Variants in MYO5B observed in about 807,000 individuals in gnomAD.
MYO5B encodes unconventional myosin-Vb.
Under a neutral mutation model 229.3 loss-of-function variants are expected in MYO5B, and 143 were observed. The observed-to-expected ratio is 0.62, with a 90% CI of 0.54 to 0.72. The LOEUF is 0.72. Among genes scored for constraint, MYO5B ranks in the 30% least tolerant of loss-of-function variants. MYO5B has a pLI of 0.00. For synonymous variants in MYO5B, 918 were observed against 885.2 expected, an observed-to-expected ratio of 1.04 and a Z score of -0.66; for missense variants, 2,321 against 2,331.0, an observed-to-expected ratio of 1.00 and a Z score of 0.09.
intron 1 of MYO5B, among the ~76,000 whole-genome samples, chr18:50,188,785 TAAAAAAAAAAAA>T (rs4042094): frequency 1.4e-4 from 15 of 105,144 alleles, no homozygotes; most frequent in Middle Eastern, 5.8e-3. Flanking sequence ...GACTCTGTCA[TAAAAAAAAAAAA>T]AAAAAAAAAA....
At chr18:50,116,644 C>T (rs2031968176) in intron 1 of MYO5B, among the ~76,000 whole-genome samples, 2 of 151,884 alleles carry the variant, frequency 1.3e-5, no homozygotes, top group Non-Finnish European at 2.9e-5. Flanking sequence ...GTGGCTTAAC[C>T]CTTGCTCTGG....
intron 4 of MYO5B, among the ~76,000 whole-genome samples, chr18:50,019,893 T>A (rs1036266650): frequency 1.3e-5 from 2 of 152,166 alleles, no homozygotes; most frequent in African/African-American, 4.8e-5. Context: ...TTCTCTTGCA[T>A]GATCTGTCTA....
At chr18:49,828,592 C>T (rs1384114558) in intron 39 of MYO5B, among the ~76,000 whole-genome samples, 2 of 152,144 alleles carry the variant, frequency 1.3e-5, no homozygotes, top group Non-Finnish European at 2.9e-5. Context: ...CTAACAAACA[C>T]ATATGGAACA....
intron 2 of MYO5B, among the ~76,000 whole-genome samples, chr18:50,052,588 G>T (rs1260810096): frequency 1.4e-5 from 2 of 147,394 alleles, no homozygotes; most frequent in Non-Finnish European, 3.0e-5. Context: ...ATAGCATTAG[G>T]AGATATACCT....
intron 2 of MYO5B, among the ~76,000 whole-genome samples, chr18:50,040,940 T>C (rs570933880): frequency 2.0e-5 from 3 of 152,210 alleles, no homozygotes; most frequent in African/African-American, 7.2e-5. Flanking sequence ...TTCTTAGCAC[T>C]TGGACAACAT....
chr18:50,131,058 C>T (rs1205095891), intron 1 of MYO5B, among the ~76,000 whole-genome samples: 1 of 152,190 alleles, frequency 6.6e-6, no homozygotes, highest in Non-Finnish European at 1.5e-5. Context: ...AACTGATGAA[C>T]AGGAATCAAG....
intron 26 of MYO5B, among the ~76,000 whole-genome samples, chr18:49,872,804 G>A (rs1263053745): frequency 5.3e-5 from 8 of 151,978 alleles, no homozygotes; most frequent in South Asian, 2.1e-4. Flanking sequence ...AAGAGAAGAC[G>A]GGCTGTCAAC....
intron 17 of MYO5B, among the ~76,000 whole-genome samples, chr18:49,912,997 G>T (rs994348758): frequency 6.6e-6 from 1 of 152,118 alleles, no homozygotes; most frequent in Non-Finnish European, 1.5e-5. Flanking sequence ...AGATAACATG[G>T]TTTATGTTTT....
intron 1 of MYO5B, among the ~76,000 whole-genome samples, chr18:50,192,664 G>C (rs1003047400): frequency 6.6e-6 from 1 of 152,162 alleles, no homozygotes; most frequent in Non-Finnish European, 1.5e-5. Context: ...AGTTTCTGTG[G>C]AAAACTATTA....
chr18:50,041,716 GAAGT>G, intron 2 of MYO5B, among the ~76,000 whole-genome samples: 1 of 152,016 alleles, frequency 6.6e-6, no homozygotes, highest in Non-Finnish European at 1.5e-5. Context: ...GTAAGTTTTG[GAAGT>G]AAGAACTTTT....
At position 50,180,764 on chromosome 18, in the gene MYO5B, A is replaced by G. The variant is rs76087954; in HGVS notation, c.27+14003T>C. 2.7e-4 allele frequency among the ~76,000 whole-genome samples: 41 copies of G among 152,338 alleles called. No individual in the cohort carries two copies. In the East Asian group the frequency reaches 5.2e-3, roughly 19 times the overall value. ...CTAGATACCTCATATAAGTGGAAAC[A>G]TACACTTATCTTTGGGTAACTGTCT... On this transcript the variant is annotated intron_variant, in intron 1 of 39. Transcript: ENST00000285039.
chr18:50,184,196 T>G (rs184489545), intron 1 of MYO5B, among the ~76,000 whole-genome samples: 1 of 152,354 alleles, frequency 6.6e-6, no homozygotes, highest in African/African-American at 2.4e-5. Context: ...GCAGGGGTTC[T>G]GCCTACATTT....
intron 1 of MYO5B, among the ~76,000 whole-genome samples, chr18:50,190,386 C>G (rs936542362): frequency 6.6e-6 from 1 of 152,214 alleles, no homozygotes; most frequent in African/African-American, 2.4e-5. Context: ...ACACTGACCA[C>G]ATGCATGCCA....
At chr18:49,978,373 G>A (rs950724460) in intron 9 of MYO5B, among the ~76,000 whole-genome samples, 2 of 152,132 alleles carry the variant, frequency 1.3e-5, no homozygotes, top group South Asian at 4.1e-4. Context: ...TATAAGATCA[G>A]AGACACTTCA....
intron 1 of MYO5B, among the ~76,000 whole-genome samples, chr18:50,074,428 C>T (rs2031031279): frequency 6.6e-6 from 1 of 152,156 alleles, no homozygotes; most frequent in South Asian, 2.1e-4. Flanking sequence ...TGTCACTTCC[C>T]TGCTTAAAAT....
In MYO5B at chr18:50,040,052, G is replaced by A. The variant is rs2029963562; in HGVS notation, c.310+91C>T. 2.9e-6 allele frequency: 4 copies of A among 1,376,218 alleles called. 1 individual carries two copies. Among genetic ancestry groups the A allele is most frequent in the Non-Finnish European group, 4.1e-6 (4 of 965,216 alleles). The allele number at this position is 1,376,218 out of a possible 1,614,324, so 85.3% of individuals were successfully genotyped here. On this transcript the variant is annotated intron_variant, in intron 3 of 39. Transcript: ENST00000285039. ...GAGAGATACTTACAAATGAGAGAGT[G>A]AAATGAGGACTCCTAAGCATTTGAG...
At position 49,933,269 on chromosome 18, in the gene MYO5B, G is replaced by A. The variant is rs116024521; in HGVS notation, c.2003+2983C>T. 8.2e-3 allele frequency among the ~76,000 whole-genome samples: 1,246 copies of A among 152,240 alleles called. 10 individuals are homozygous for A. The highest frequency in any genetic ancestry group is 0.028 in the African/African-American group (1,153 of 41,542). ...AAAGCGTTCCCAGGTTATGACAACC[G>A]CCCCAGGCCACTGCTGCTCTGGATA... On this transcript the variant is annotated intron_variant, in intron 16 of 39. Transcript: ENST00000285039.
At chr18:50,087,314 G>A (rs143366164) in intron 1 of MYO5B, among the ~76,000 whole-genome samples, 442 of 152,296 alleles carry the variant, frequency 2.9e-3, no homozygotes, top group African/African-American at 1.0e-2. Context: ...GCTCATGCCT[G>A]TAATCCCAGC....
intron 4 of MYO5B, among the ~76,000 whole-genome samples, chr18:50,001,990 C>T (rs1380790221): frequency 2.7e-5 from 4 of 146,936 alleles, no homozygotes; most frequent in South Asian, 2.2e-4. Context: ...GAGCCGAGAT[C>T]GTGCCACTGC....
Sources: allele counts gnomAD v4.1 joint callset (sites outside exome capture counted in the v4.1 genomes callset), GRCh38; gene constraint gnomAD v4.1.1; transcripts MANE v1.5; gene names NCBI Gene and HGNC (gene_info 2026-07-23, HGNC 2026-07-21).